The following BNC2 variants were observed in gnomAD, a reference collection of about 807,000 sequenced individuals.
BNC2 encodes zinc finger protein basonuclin-2.
BNC2 carries 20 observed loss-of-function variants against 76.3 expected under a neutral mutation model. The ratio of observed to expected loss-of-function variants is 0.26; its 90% CI spans 0.18 to 0.38. The LOEUF (loss-of-function observed/expected upper bound fraction) is 0.38. Ranked by LOEUF, BNC2 falls within the 10% of genes least tolerant of loss-of-function variation. The pLI is 1.00. For missense variants in BNC2, 1,382 were observed against 1,399.8 expected (o/e 0.99, Z 0.20); for synonymous variants, 582 against 514.8 (o/e 1.13, Z -1.77).
intron 5 of BNC2, among the ~76,000 whole-genome samples, chr9:16,551,081 C>G (rs1315887968): frequency 6.6e-6 from 1 of 152,104 alleles, no homozygotes; most frequent in African/African-American, 2.4e-5. Flanking sequence ...TACTTTAACC[C>G]ACTGAAATGT....
chr9:16,729,864 G>A (rs1247917847), intron 2 of BNC2, among the ~76,000 whole-genome samples: 1 of 152,040 alleles, frequency 6.6e-6, no homozygotes, highest in East Asian at 1.9e-4. Context: ...CCCACTAATG[G>A]CTGTTATTTG....
At chr9:16,515,039 C>T (rs1198376272) in intron 5 of BNC2, among the ~76,000 whole-genome samples, 1 of 152,214 alleles carries the variant, frequency 6.6e-6, no homozygotes, top group East Asian at 1.9e-4. Flanking sequence ...GGAAAGAGAA[C>T]TCCCTTTAAT....
At chr9:16,422,937 T>G (rs1820737043) in intron 6 of BNC2, among the ~76,000 whole-genome samples, 1 of 152,098 alleles carries the variant, frequency 6.6e-6, no homozygotes. Context: ...TATTACAAGT[T>G]TATCCGGATC....
At chr9:16,530,326 T>G (rs540933280) in intron 5 of BNC2, among the ~76,000 whole-genome samples, 5 of 152,270 alleles carry the variant, frequency 3.3e-5, no homozygotes, top group African/African-American at 1.2e-4. Context: ...ACCTGCAAAA[T>G]TTAGTTAACA....
rs759844073 is a variant in BNC2 at position 16,437,070 on chromosome 9, G to T, written c.1124C>A (p.Pro375His). Residue 375 changes from proline to histidine, a missense_variant, in exon 6 of 7, where the codon CCT becomes CAT. Transcript: ENST00000380672. ...ESSESEVSPT[P>H]YKNDQTPNRN... Reference sequence around the variant, plus strand: ...ATTGGGTGTTTGATCATTCTTATAAGGTGTGGGAGAAACTTCGGATTCGCT... The same window carrying T: ...ATTGGGTGTTTGATCATTCTTATAATGTGTGGGAGAAACTTCGGATTCGCT... 3.7e-6 allele frequency: 6 copies of T among 1,614,064 alleles called. No individual in the cohort carries two copies. In the South Asian group the frequency reaches 5.5e-5, roughly 15 times the overall value.
intron 5 of BNC2, among the ~76,000 whole-genome samples, chr9:16,543,777 G>C: frequency 6.6e-6 from 1 of 152,084 alleles, no homozygotes; most frequent in East Asian, 1.9e-4. Context: ...CTCTGCCTGA[G>C]GCCTCCCCAT....
intron 4 of BNC2, among the ~76,000 whole-genome samples, chr9:16,560,521 G>C (rs2132667056): frequency 6.6e-6 from 1 of 150,756 alleles, no homozygotes; most frequent in Admixed American, 6.6e-5. Flanking sequence ...AGATCTGCCT[G>C]GACAACACAG....
Position 16,418,694 on chromosome 9 carries a change from GTGCA to G in BNC2, c.*291_*294del, listed in dbSNP as rs1212380189. 49 of 351,486 alleles carry G rather than the reference GTGCA, an allele frequency of 1.4e-4. No individual in the cohort carries two copies. The highest frequency in any genetic ancestry group is 1.0e-3 in the African/African-American group (40 of 40,124). The allele number at this position is 351,486 out of a possible 1,614,324, so 21.8% of individuals were successfully genotyped here. A position where few individuals can be genotyped will look rare whatever the true frequency, so the allele number is the denominator to read the frequency against. ...TGTGTGTGTGTGTGTGTGTGTGTAT[GTGCA>G]TGTGTGTGTGTGTGTGTTTAAAGGG... is the stretch of plus-strand genomic sequence containing the variant. On this transcript the variant is annotated 3_prime_UTR_variant, in exon 7 of 7. Coordinates refer to ENST00000380672, the MANE Select transcript of BNC2 (RefSeq NM_017637.6).
intron 5 of BNC2, among the ~76,000 whole-genome samples, chr9:16,510,631 A>G (rs534204881): frequency 1.3e-5 from 2 of 152,240 alleles, no homozygotes; most frequent in South Asian, 2.1e-4. Flanking sequence ...ATCAACAGAT[A>G]AGCCTTTACA....
chr9:16,851,150 T>C (rs1819118153), intron 1 of BNC2, among the ~76,000 whole-genome samples: 1 of 152,136 alleles, frequency 6.6e-6, no homozygotes, highest in African/African-American at 2.4e-5. Flanking sequence ...AATTTATTAA[T>C]CCTGTCAAAC....
chr9:16,833,223 G>A (rs948672353), intron 1 of BNC2, among the ~76,000 whole-genome samples: 4 of 152,102 alleles, frequency 2.6e-5, no homozygotes, highest in Admixed American at 1.3e-4. Flanking sequence ...TTCATCAGAC[G>A]ATGAATAAGA....
At chr9:16,565,402 G>C (rs550809907) in intron 4 of BNC2, among the ~76,000 whole-genome samples, 1 of 152,244 alleles carries the variant, frequency 6.6e-6, no homozygotes, top group East Asian at 1.9e-4. Context: ...TTACTATTTG[G>C]TCACTAAATG....
intron 3 of BNC2, among the ~76,000 whole-genome samples, chr9:16,679,031 C>T (rs763301148): frequency 1.3e-5 from 2 of 152,134 alleles, no homozygotes; most frequent in East Asian, 1.9e-4. Flanking sequence ...CAGGAACATT[C>T]GTATCTGGTC....
chr9:16,595,159 A>G (rs911138487), intron 3 of BNC2, among the ~76,000 whole-genome samples: 1 of 152,250 alleles, frequency 6.6e-6, no homozygotes, highest in East Asian at 1.9e-4. Flanking sequence ...TCCCAGGAAC[A>G]CTTGGTTTAT....
intron 1 of BNC2, among the ~76,000 whole-genome samples, chr9:16,821,301 G>A (rs1055730193): frequency 6.6e-6 from 1 of 151,936 alleles, no homozygotes; most frequent in Non-Finnish European, 1.5e-5. Flanking sequence ...AACAGCAACA[G>A]GGTCTGCAGG....
At chr9:16,442,880 C>T (rs1006187561) in intron 5 of BNC2, among the ~76,000 whole-genome samples, 2 of 151,868 alleles carry the variant, frequency 1.3e-5, no homozygotes, top group East Asian at 1.9e-4. Flanking sequence ...CAGAGGCAGG[C>T]GGATCACCTG....
chr9:16,825,128 T>G (rs755028359), intron 1 of BNC2, among the ~76,000 whole-genome samples: 42 of 152,142 alleles, frequency 2.8e-4, no homozygotes, highest in Non-Finnish European at 3.5e-4. Flanking sequence ...AAATTCTCGT[T>G]AATTTACTCA....
chr9:16,418,932 A>C lies in BNC2; in HGVS notation c.*57T>G, dbSNP rs1430722578. On this transcript the variant is annotated 3_prime_UTR_variant, in exon 7 of 7. Transcript: ENST00000380672. Reference sequence around the variant, plus strand: ...TACATAAGCGCACACTGACTATGGCAGTTCAAACACGTAGGCCATCTGGTG... The same window carrying C: ...TACATAAGCGCACACTGACTATGGCCGTTCAAACACGTAGGCCATCTGGTG... The C allele has an allele frequency of 4.0e-5, 63 of 1,580,562 alleles. No homozygotes were observed. In the Admixed American group the frequency reaches 5.5e-4, roughly 14 times the overall value.
intron 3 of BNC2, among the ~76,000 whole-genome samples, chr9:16,586,685 C>A (rs1014753239): frequency 6.6e-6 from 1 of 152,188 alleles, no homozygotes; most frequent in Non-Finnish European, 1.5e-5. Flanking sequence ...GGCAACTTCA[C>A]GCCCTCCTAC....
Sources: gnomAD v4.1 joint callset for allele counts (sites outside exome capture counted in the v4.1 genomes callset) on GRCh38, gnomAD v4.1.1 for gene constraint, MANE v1.5 for transcripts, NCBI Gene and HGNC (gene_info 2026-07-23, HGNC 2026-07-21) for gene names.